The following DNAH6 variants were observed in gnomAD, a reference collection of about 807,000 sequenced individuals.
DNAH6 encodes dynein axonemal heavy chain 6, also known as axonemal beta dynein heavy chain 6.
In DNAH6, 340 loss-of-function variants were observed where a neutral mutation model predicts 491.4. That is an observed-to-expected ratio of 0.69 (90% CI 0.63 to 0.76). DNAH6 has a LOEUF of 0.76. DNAH6 is among the 30% of genes least tolerant of loss of function. The pLI is 0.00. For synonymous variants in DNAH6, 1,603 were observed against 1,686.1 expected (o/e 0.95, Z 1.21); for missense variants, 4,443 against 4,972.2 (o/e 0.89, Z 3.20).
intron 4 of DNAH6, among the ~76,000 whole-genome samples, chr2:84,533,656 C>A (rs1287911094): frequency 1.3e-5 from 2 of 152,228 alleles, no homozygotes; most frequent in South Asian, 2.1e-4. Context: ...TATTTAAACT[C>A]AAAAACCTGA....
intron 39 of DNAH6, 47 bp downstream of exon 39, chr2:84,670,522 C>T: frequency 7.9e-7 from 1 of 1,262,648 alleles, no homozygotes; most frequent in East Asian, 2.6e-5. Flanking sequence ...ATTCATTAAG[C>T]TAATAAATGA....
intron 70 of DNAH6, among the ~76,000 whole-genome samples, chr2:84,799,314 G>A (rs902704736): frequency 2.6e-5 from 4 of 152,202 alleles, no homozygotes; most frequent in African/African-American, 7.2e-5. Context: ...GGATGAGCAT[G>A]GCCTAACAGC....
chr2:84,805,623 G>T lies in DNAH6; in HGVS notation c.11482-42G>T, dbSNP rs867458289. The T allele has an allele frequency of 2.4e-5, 35 of 1,464,828 alleles. 2 individuals carry two copies. The Middle Eastern group carries it at 6.0e-3, about 250-fold the overall frequency. 90.7% of individuals were successfully genotyped at this position (1,464,828 alleles called of 1,614,324 possible). On this transcript the variant is annotated intron_variant, in intron 70 of 76. Transcript: ENST00000389394. ...TGTGTGCTGCAAATTTGTTTTCTGA[G>T]AATTTGAGTCTTCACTGTTCTGTCT...
chr2:84,539,842 C>G (rs933486990), intron 4 of DNAH6, among the ~76,000 whole-genome samples: 1 of 152,100 alleles, frequency 6.6e-6, no homozygotes, highest in African/African-American at 2.4e-5. Flanking sequence ...ATTTTGCCAT[C>G]TTTGGTTAAT....
At chr2:84,788,932 T>C (rs572762013) in intron 68 of DNAH6, among the ~76,000 whole-genome samples, 1 of 152,308 alleles carries the variant, frequency 6.6e-6, no homozygotes, top group African/African-American at 2.4e-5. Flanking sequence ...CATTTCTGGA[T>C]CTAGTTTGAG....
intron 14 of DNAH6, among the ~76,000 whole-genome samples, chr2:84,580,913 C>A (rs1202358286): frequency 6.6e-6 from 1 of 152,098 alleles, no homozygotes; most frequent in African/African-American, 2.4e-5. Flanking sequence ...CCCAGTAGTC[C>A]TTCCTTCCAT....
chr2:84,690,772 G>A lies in DNAH6; in HGVS notation c.7292+2179G>A, dbSNP rs567146092. On this transcript the variant is annotated intron_variant, in intron 45 of 76. Coordinates refer to ENST00000389394, the MANE Select transcript of DNAH6 (RefSeq NM_001370.2). ...AAAACATATTTCTGCTTTTAAGAGC[G>A]TTCAAACACCTAATGCTGATTAGCA... Among the ~76,000 whole-genome samples the A allele has an allele frequency of 5.9e-5, 9 of 152,314 alleles. 1 individual carries two copies. The highest frequency in any genetic ancestry group is 5.8e-4 in the East Asian group (3 of 5,194).
At chr2:84,598,813 C>T (rs550599566) in intron 18 of DNAH6, among the ~76,000 whole-genome samples, 2 of 152,154 alleles carry the variant, frequency 1.3e-5, no homozygotes, top group East Asian at 1.9e-4. Context: ...AGGTGGATCA[C>T]GAGGTCAAGA....
At chr2:84,762,202 G>T (rs1167863708) in intron 63 of DNAH6, among the ~76,000 whole-genome samples, 4 of 152,132 alleles carry the variant, frequency 2.6e-5, no homozygotes, top group Non-Finnish European at 5.9e-5. Flanking sequence ...GCTGGTGAGT[G>T]AATGAGATGA....
chr2:84,524,028 C>G (rs917361143), intron 2 of DNAH6, among the ~76,000 whole-genome samples: 1 of 151,884 alleles, frequency 6.6e-6, no homozygotes, highest in Non-Finnish European at 1.5e-5. Context: ...GATGATCTGT[C>G]TAATACTGTC....
At chr2:84,496,302 G>T in the DNAH6 span, among the ~76,000 whole-genome samples, 1 of 152,092 alleles carries the variant, frequency 6.6e-6, no homozygotes, top group African/African-American at 2.4e-5. Context: ...GTAGGATATG[G>T]TCTTTATTTT....
chr2:84,775,446 A>C (rs1434200189), intron 64 of DNAH6, among the ~76,000 whole-genome samples: 2 of 152,130 alleles, frequency 1.3e-5, no homozygotes, highest in East Asian at 1.9e-4. Flanking sequence ...ATCTATGTTC[A>C]TCATAGATAT....
At chr2:84,738,570 G>A (rs1406441489) in intron 62 of DNAH6, among the ~76,000 whole-genome samples, 1 of 152,102 alleles carries the variant, frequency 6.6e-6, no homozygotes, top group Non-Finnish European at 1.5e-5. Flanking sequence ...ATGTTTTGTT[G>A]AATTGAGCCC....
chr2:84,640,628 T>G, intron 32 of DNAH6, 50 bp downstream of exon 32: 1 of 1,500,752 alleles, frequency 6.7e-7, no homozygotes, highest in South Asian at 1.3e-5. Context: ...TGTGATCAAA[T>G]GCATTAAATG....
In DNAH6 at chr2:84,669,010, C is replaced by A. The variant is rs74920745; in HGVS notation, c.6085-279C>A. 5.5e-4 allele frequency among the ~76,000 whole-genome samples: 84 copies of A among 152,096 alleles called. 1 individual carries two copies. The highest frequency in any genetic ancestry group is 2.0e-4 in the Admixed American group (3 of 15,260). On this transcript the variant is annotated intron_variant, in intron 37 of 76. Transcript: ENST00000389394. ...GCATCACAGACAGTATTTGGCATGG[C>A]GTAAGCCCTGTGAATGTTAAATTTA... is the stretch of plus-strand genomic sequence containing the variant.
intron 2 of DNAH6, among the ~76,000 whole-genome samples, chr2:84,524,553 G>A (rs1186717145): frequency 6.6e-6 from 1 of 152,020 alleles, no homozygotes; most frequent in Non-Finnish European, 1.5e-5. Context: ...ACTTAAGTGT[G>A]TTTTTGTATT....
chr2:84,758,291 G>A (rs536401086), intron 63 of DNAH6, among the ~76,000 whole-genome samples: 2 of 152,254 alleles, frequency 1.3e-5, no homozygotes, highest in African/African-American at 4.8e-5. Flanking sequence ...GTAATTCATT[G>A]TAAACTCTTG....
At chr2:84,789,728 G>C (rs1044972068) in intron 68 of DNAH6, among the ~76,000 whole-genome samples, 1 of 152,152 alleles carries the variant, frequency 6.6e-6, no homozygotes. Flanking sequence ...AGAACACTTC[G>C]CCAGAGAGTC....
intron 59 of DNAH6, among the ~76,000 whole-genome samples, chr2:84,721,920 G>A (rs1008647073): frequency 6.6e-6 from 1 of 152,228 alleles, no homozygotes; most frequent in African/African-American, 2.4e-5. Context: ...GGGGAAGAGA[G>A]AGGAGGCAGG....
Sources: gnomAD v4.1 joint callset for allele counts (sites outside exome capture counted in the v4.1 genomes callset) on GRCh38, gnomAD v4.1.1 for gene constraint, MANE v1.5 for transcripts, NCBI Gene and HGNC (gene_info 2026-07-23, HGNC 2026-07-21) for gene names.